EYS: variants seen among roughly 807,000 people sequenced by gnomAD.
The protein encoded by EYS is EGF-like photoreceptor maintenance factor, also known as protein eyes shut homolog.
In EYS, 250 loss-of-function variants were observed where a neutral mutation model predicts 282.1. The observed-to-expected ratio is 0.89, with a 90% CI of 0.80 to 0.98. The LOEUF (loss-of-function observed/expected upper bound fraction) is 0.98. Among genes scored for constraint, EYS ranks in the 50% least tolerant of loss-of-function variants. The pLI is 0.00. For missense variants in EYS, 4,016 were observed against 3,709.0 expected (o/e 1.08, Z -2.15); for synonymous variants, 1,355 against 1,282.9 (o/e 1.06, Z -1.20).
At chr6:64,427,611 G>A (rs1357161527) in intron 28 of EYS, among the ~76,000 whole-genome samples, 2 of 151,982 alleles carry the variant, frequency 1.3e-5, no homozygotes, top group Non-Finnish European at 2.9e-5. Context: ...GAGAAGATTT[G>A]ATGTAAACAA....
At chr6:64,342,401 G>A (rs1771155456) in intron 29 of EYS, among the ~76,000 whole-genome samples, 1 of 151,800 alleles carries the variant, frequency 6.6e-6, no homozygotes, top group African/African-American at 2.4e-5. Flanking sequence ...AGAGAGTGGG[G>A]GCCAATACTC....
intron 30 of EYS, among the ~76,000 whole-genome samples, chr6:64,301,478 T>G (rs973039768): frequency 6.6e-6 from 1 of 152,198 alleles, no homozygotes; most frequent in Non-Finnish European, 1.5e-5. Flanking sequence ...ATGGCCCCAG[T>G]ACTATGCTTT....
chr6:64,050,881 C>T (rs35495794), intron 33 of EYS, among the ~76,000 whole-genome samples: 1 of 152,030 alleles, frequency 6.6e-6, no homozygotes, highest in Non-Finnish European at 1.5e-5. Flanking sequence ...AAAAGACATA[C>T]GGACTTAGCT....
At chr6:64,899,224 A>C (rs1767571681) in intron 18 of EYS, among the ~76,000 whole-genome samples, 1 of 152,152 alleles carries the variant, frequency 6.6e-6, no homozygotes, top group Non-Finnish European at 1.5e-5. Context: ...ACTCCTCAGC[A>C]AATGCAAAAG....
intron 31 of EYS, among the ~76,000 whole-genome samples, chr6:64,093,240 C>A (rs1160654141): frequency 6.6e-6 from 1 of 151,900 alleles, no homozygotes; most frequent in Non-Finnish European, 1.5e-5. Flanking sequence ...AATGTGGGCT[C>A]TTTTTTGGTT....
chr6:64,138,606 G>A (rs1250880221), intron 31 of EYS, among the ~76,000 whole-genome samples: 4 of 152,122 alleles, frequency 2.6e-5, no homozygotes, highest in Admixed American at 1.3e-4. Context: ...AATTAAATAG[G>A]GCATTTGGGA....
chr6:64,682,115 T>G (rs1769921165), intron 22 of EYS, among the ~76,000 whole-genome samples: 1 of 152,170 alleles, frequency 6.6e-6, no homozygotes. Flanking sequence ...AAAGAATAAA[T>G]TTCTTGGCTA....
intron 22 of EYS, among the ~76,000 whole-genome samples, chr6:64,660,604 G>C (rs935921221): frequency 6.6e-6 from 1 of 152,096 alleles, no homozygotes; most frequent in Non-Finnish European, 1.5e-5. Context: ...CAGACAGACA[G>C]AGAGCCAAAT....
At chr6:64,606,071 A>T (rs73764885) in intron 24 of EYS, among the ~76,000 whole-genome samples, 2,298 of 151,994 alleles carry the variant, frequency 0.015, 51 homozygotes, top group African/African-American at 0.052. Context: ...TTTCTGTGTT[A>T]TAATTGTTGT....
intron 28 of EYS, among the ~76,000 whole-genome samples, chr6:64,427,643 C>G (rs1237142692): frequency 6.6e-6 from 1 of 151,878 alleles, no homozygotes; most frequent in Non-Finnish European, 1.5e-5. Context: ...GTATTGTAAC[C>G]CTGATAATAT....
At position 63,945,109 on chromosome 6, in the gene EYS, A is replaced by G. The variant is rs145863429; in HGVS notation, c.7055+39274T>C. Among the ~76,000 whole-genome samples the G allele has an allele frequency of 7.4e-3, 1,122 of 152,256 alleles. 17 individuals carry two copies. The highest frequency in any genetic ancestry group is 0.024 in the African/African-American group (998 of 41,556). On this transcript the variant is annotated intron_variant, in intron 35 of 42. Transcript: ENST00000503581. ...AGCCATTATATTAGTACTTTCTCAC[A>G]CTGCTCTGAAGGAATACCCGAGACT...
chr6:65,561,941 T>C (rs1769075764), intron 2 of EYS, among the ~76,000 whole-genome samples: 1 of 151,640 alleles, frequency 6.6e-6, no homozygotes, highest in African/African-American at 2.4e-5. Flanking sequence ...AAAAATACAG[T>C]ATTTTAATGT....
At chr6:64,804,199 T>C (rs1218764584) in intron 22 of EYS, among the ~76,000 whole-genome samples, 1 of 152,240 alleles carries the variant, frequency 6.6e-6, no homozygotes, top group Non-Finnish European at 1.5e-5. Flanking sequence ...AGCCATTTGA[T>C]ATTTATCAGT....
intron 12 of EYS, among the ~76,000 whole-genome samples, chr6:65,218,487 C>G (rs1384128450): frequency 6.6e-6 from 1 of 152,054 alleles, no homozygotes; most frequent in East Asian, 1.9e-4. Context: ...AAAAACAAAA[C>G]ATGAGTAGAG....
chr6:64,958,956 T>C (rs557762102), intron 14 of EYS, among the ~76,000 whole-genome samples: 15 of 152,282 alleles, frequency 9.9e-5, no homozygotes, highest in African/African-American at 3.4e-4. Context: ...AATTATTGAA[T>C]GACTTGTATA....
chr6:65,352,311 C>G (rs1764312586), intron 9 of EYS, among the ~76,000 whole-genome samples: 1 of 151,862 alleles, frequency 6.6e-6, no homozygotes, highest in Admixed American at 6.6e-5. Context: ...ACACATCAAA[C>G]TGTTAATTTG....
intron 29 of EYS, among the ~76,000 whole-genome samples, chr6:64,384,851 T>C (rs970223436): frequency 2.0e-5 from 3 of 152,184 alleles, no homozygotes; most frequent in Non-Finnish European, 4.4e-5. Flanking sequence ...CTGGGTGATT[T>C]TGTTAAAGGA....
chr6:65,346,938 G>A (rs1770418505), intron 9 of EYS, among the ~76,000 whole-genome samples: 1 of 151,784 alleles, frequency 6.6e-6, no homozygotes, highest in Admixed American at 6.6e-5. Context: ...AGTCCTAGAT[G>A]AGTTCTACAT....
At chr6:63,814,589 A>G (rs1359329018) in intron 36 of EYS, among the ~76,000 whole-genome samples, 1 of 152,230 alleles carries the variant, frequency 6.6e-6, no homozygotes, top group Non-Finnish European at 1.5e-5. Flanking sequence ...AATGCAGAGC[A>G]TTATAATTTC....
Sources: gnomAD v4.1 joint callset for allele counts (sites outside exome capture counted in the v4.1 genomes callset) on GRCh38, gnomAD v4.1.1 for gene constraint, MANE v1.5 for transcripts, NCBI Gene and HGNC (gene_info 2026-07-23, HGNC 2026-07-21) for gene names.